Variants in KANK4 observed in about 807,000 individuals in gnomAD.
The protein encoded by KANK4 is KN motif and ankyrin repeat domains 4.
KANK4 carries 50 observed loss-of-function variants against 80.8 expected under a neutral mutation model. That is an observed-to-expected ratio of 0.62 (90% CI 0.49 to 0.78). KANK4 has a LOEUF of 0.78. KANK4 is among the 30% of genes least tolerant of loss of function. The pLI is 0.00. For synonymous variants in KANK4, 465 were observed against 506.9 expected (o/e 0.92, Z 1.11); for missense variants, 1,196 against 1,240.1 (o/e 0.96, Z 0.53).
At position 62,255,709 on chromosome 1, in the gene KANK4, G is replaced by A. The variant is rs577811285; in HGVS notation, c.2540-2500C>T. Reference sequence around the variant, plus strand: ...GCTCTGTTGCCCAGGCTGAGGGTGAGTGCAGTGGCACTCACTATAAGCTCT... The same window carrying A: ...GCTCTGTTGCCCAGGCTGAGGGTGAATGCAGTGGCACTCACTATAAGCTCT... On this transcript the variant is annotated intron_variant, in intron 7 of 9. Coordinates refer to ENST00000371153, the MANE Select transcript of KANK4 (RefSeq NM_181712.5). Among the ~76,000 whole-genome samples the A allele has an allele frequency of 7.2e-5, 11 of 152,184 alleles. No individual in the cohort carries two copies. In the East Asian group the frequency reaches 2.1e-3, roughly 29 times the overall value.
At chr1:62,269,117 G>C (rs1381962952) in intron 4 of KANK4, among the ~76,000 whole-genome samples, 1 of 152,206 alleles carries the variant, frequency 6.6e-6, no homozygotes, top group Non-Finnish European at 1.5e-5. Context: ...CTATTGCTTG[G>C]AGCAGCAAAA....
chr1:62,244,204 T>A lies in KANK4; in HGVS notation c.2883+3268A>T, dbSNP rs558683883. Among the ~76,000 whole-genome samples, 114 of 142,020 alleles carry A rather than the reference T, an allele frequency of 8.0e-4. 1 individual carries two copies. The highest frequency in any genetic ancestry group is 2.9e-3 in the African/African-American group (96 of 33,602). The allele number at this position is 142,020 out of a possible 152,430, so 93.2% of individuals were successfully genotyped here. A position where few individuals can be genotyped will look rare whatever the true frequency, so the allele number is the denominator to read the frequency against. On this transcript the variant is annotated intron_variant, in intron 9 of 9. Transcript: ENST00000371153. ...CTCATGAGTGTTTATTTTTTATTTT[T>A]TTTTTTTTTGAGACAGGGTCTCACT...
chr1:62,244,887 A>C (rs1671429295), intron 9 of KANK4, among the ~76,000 whole-genome samples: 1 of 152,138 alleles, frequency 6.6e-6, no homozygotes, highest in South Asian at 2.1e-4. Flanking sequence ...GCTTCTAACA[A>C]TCATGCTTGA....
intron 8 of KANK4, among the ~76,000 whole-genome samples, chr1:62,248,417 G>A (rs1224221369): frequency 2.0e-5 from 3 of 152,080 alleles, no homozygotes; most frequent in Non-Finnish European, 4.4e-5. Flanking sequence ...TACCCAGGCT[G>A]GAGTGCAGTG....
intron 1 of KANK4, among the ~76,000 whole-genome samples, chr1:62,306,520 T>G (rs1200714171): frequency 6.6e-6 from 1 of 152,174 alleles, no homozygotes; most frequent in Non-Finnish European, 1.5e-5. Context: ...GTCTATATGC[T>G]CTAACCACCA....
intron 8 of KANK4, among the ~76,000 whole-genome samples, chr1:62,252,857 TCTGTGCAAG>T (rs1424764729): frequency 6.6e-6 from 1 of 152,242 alleles, no homozygotes; most frequent in African/African-American, 2.4e-5. Context: ...CTCACTGACC[TCTGTGCAAG>T]CTGTGCAAGC....
intron 2 of KANK4, among the ~76,000 whole-genome samples, chr1:62,279,198 G>GCGCGCGCGCACA (rs1282615199): frequency 1.8e-4 from 27 of 146,180 alleles, no homozygotes; most frequent in African/African-American, 6.9e-4. Flanking sequence ...GCTAGCGCGC[G>GCGCGCGCGCACA]CACACACACA....
At chr1:62,250,012 G>A (rs1274542369) in intron 8 of KANK4, among the ~76,000 whole-genome samples, 1 of 151,280 alleles carries the variant, frequency 6.6e-6, no homozygotes, top group Non-Finnish European at 1.5e-5. Context: ...TTGAGATGGA[G>A]TCTCGCTCTG....
At chr1:62,281,796 T>A (rs1338819098) in intron 1 of KANK4, among the ~76,000 whole-genome samples, 162 bp from the exon 2 acceptor site, 1 of 152,142 alleles carries the variant, frequency 6.6e-6, no homozygotes, top group Non-Finnish European at 1.5e-5. Flanking sequence ...CTGTACACAT[T>A]TCTAGAGCCC....
In KANK4 at chr1:62,238,305, G is replaced by T; in HGVS notation, c.2960C>A (p.Ala987Glu). 6.2e-7 allele frequency: 1 copy of T among 1,613,834 alleles called. No homozygotes were observed. Among genetic ancestry groups the T allele is most frequent in the Non-Finnish European group, 8.5e-7 (1 of 1,179,790 alleles). Residue 987 changes from alanine (A) to glutamate (E), a missense_variant, in exon 10 of 10, where the codon GCG (alanine) becomes GAG (glutamate). Around this residue, in one of 3 missense-constraint regions of KANK4, gnomAD observed 1,154 missense variants for 1,179.6 expected, o/e 0.98. Transcript: ENST00000371153. ...MEIAGLLRAH[A>E]EQGRSLGL ...CAGCCCCAGGGACCTGCCCTGCTCC[G>T]CGTGGGCTCTCAGAAGCCCAGCAAT... is the stretch of plus-strand genomic sequence containing the variant.
intron 1 of KANK4, among the ~76,000 whole-genome samples, chr1:62,296,713 G>C (rs898366662): frequency 6.6e-6 from 1 of 151,756 alleles, no homozygotes; most frequent in African/African-American, 2.4e-5. Context: ...CACCATGCCC[G>C]GCTAATTTTT....
chr1:62,318,776 C>A (rs1644564137), intron 1 of KANK4, among the ~76,000 whole-genome samples: 1 of 152,200 alleles, frequency 6.6e-6, no homozygotes, highest in Non-Finnish European at 1.5e-5. Flanking sequence ...TCCCCCTCCT[C>A]ACCAGTGTTC....
At chr1:62,314,798 G>A (rs190252466) in intron 1 of KANK4, among the ~76,000 whole-genome samples, 2 of 152,222 alleles carry the variant, frequency 1.3e-5, no homozygotes, top group African/African-American at 4.8e-5. Context: ...CTCCCACAAT[G>A]CCTGTGTCTC....
At chr1:62,266,844 C>T (rs1327264693) in intron 5 of KANK4, 25 bp from the exon 6 acceptor site, 1 of 1,286,956 alleles carries the variant, frequency 7.8e-7, no homozygotes, top group Admixed American at 1.8e-5. Context: ...CATATATACA[C>T]ATATTTATAT....
intron 1 of KANK4, among the ~76,000 whole-genome samples, chr1:62,288,214 C>T (rs549186913): frequency 2.6e-5 from 4 of 152,252 alleles, no homozygotes; most frequent in Admixed American, 6.5e-5. Context: ...ACAAGAATCA[C>T]GGGACTGGAG....
rs140990626 is a variant in KANK4 at position 62,304,133 on chromosome 1, C to T, written c.-71+14973G>A. Among the ~76,000 whole-genome samples the T allele has an allele frequency of 7.4e-4, 113 of 152,204 alleles. 2 individuals carry two copies. The highest frequency in any genetic ancestry group is 4.5e-3 in the Admixed American group (69 of 15,296). On this transcript the variant is annotated intron_variant, in intron 1 of 9. Transcript: ENST00000371153. ...CAAGTGATCTGCCCACCTTGGCCTC[C>T]CAAAATGCTGGGATTACAGGCATGA... is the stretch of plus-strand genomic sequence containing the variant.
chr1:62,263,718 C>T (rs1671950934), intron 6 of KANK4, among the ~76,000 whole-genome samples: 1 of 152,232 alleles, frequency 6.6e-6, no homozygotes, highest in Admixed American at 6.5e-5. Context: ...TATCAGGACA[C>T]CTGCGTGTGT....
chr1:62,252,260 T>A (rs1671640726), intron 8 of KANK4, among the ~76,000 whole-genome samples: 1 of 152,220 alleles, frequency 6.6e-6, no homozygotes, highest in South Asian at 2.1e-4. Context: ...GTGTCCTGAA[T>A]CTCTGGCTAT....
intron 6 of KANK4, among the ~76,000 whole-genome samples, chr1:62,263,783 G>A (rs910202054): frequency 1.3e-5 from 2 of 152,176 alleles, no homozygotes; most frequent in Non-Finnish European, 2.9e-5. Flanking sequence ...ACATGCATGC[G>A]AAGGCAAACA....
Sources: gnomAD v4.1 joint callset for allele counts (sites outside exome capture counted in the v4.1 genomes callset) on GRCh38, gnomAD v4.1.1 for gene constraint, gnomAD v4.1.1 regional missense constraint, MANE v1.5 for transcripts, NCBI Gene and HGNC (gene_info 2026-07-23, HGNC 2026-07-21) for gene names.